The following PNPLA7 variants were observed in gnomAD, a reference collection of about 807,000 sequenced individuals.
The protein encoded by PNPLA7 is patatin like domain 7, lysophospholipase.
A neutral mutation model predicts 161.7 loss-of-function variants in PNPLA7; 153 were observed. The ratio of observed to expected loss-of-function variants is 0.95; its 90% confidence interval spans 0.83 to 1.08. The LOEUF is 1.08. PNPLA7 is among the 50% of genes least tolerant of loss of function. The probability of loss-of-function intolerance (pLI) is 0.00; values close to 1 mark genes in which losing one functional copy is unlikely to be tolerated. For synonymous variants in PNPLA7, 809 were observed against 782.1 expected (o/e 1.03, Z -0.57); for missense variants, 1,739 against 1,856.6 (o/e 0.94, Z 1.16).
intron 3 of PNPLA7, 59 bp from the exon 4 acceptor site, chr9:137,546,968 C>T (rs181454496): frequency 1.4e-5 from 21 of 1,499,180 alleles, no homozygotes; most frequent in Non-Finnish European, 1.8e-5. Context: ...TGGTCCTGGA[C>T]ATGCAGGTGC....
At position 137,489,864 on chromosome 9, in the gene PNPLA7, C is replaced by T. The variant is rs1832682595; in HGVS notation, c.2197+3149G>A. Among the ~76,000 whole-genome samples the T allele has an allele frequency of 2.6e-5, 4 of 152,248 alleles. No homozygotes were observed. In the South Asian group the frequency reaches 8.3e-4, roughly 32 times the overall value. On this transcript the variant is annotated intron_variant, in intron 20 of 34. Coordinates refer to ENST00000406427, the MANE Select transcript of PNPLA7 (RefSeq NM_001098537.3). The stretch of plus-strand genomic sequence containing the variant: ...AGCAGTGCCCCAGAGACCTTGGGGA[C>T]AATAACGCGAGGTCTAACACTTGTG...
Position 137,506,801 on chromosome 9 carries a change from C to T in PNPLA7, c.1226-718G>A, listed in dbSNP as rs202194979. ...GCTGTGGATTCTGAGGAAGGGTGCA[C>T]GCTTTGCACGACGGGGTCACGCACT... On this transcript the variant is annotated intron_variant, in intron 12 of 34. Coordinates refer to ENST00000406427, the MANE Select transcript of PNPLA7 (RefSeq NM_001098537.3). 3.9e-5 allele frequency among the ~76,000 whole-genome samples: 6 copies of T among 152,344 alleles called. No homozygotes were observed. In the East Asian group the frequency reaches 9.6e-4, roughly 24 times the overall value.
chr9:137,534,647 G>A (rs1835790667), intron 8 of PNPLA7, among the ~76,000 whole-genome samples: 1 of 152,238 alleles, frequency 6.6e-6, no homozygotes, highest in African/African-American at 2.4e-5. Context: ...CAGTCCTCCT[G>A]CAGGGAGTGT....
At chr9:137,530,870 A>G (rs375444546) in intron 8 of PNPLA7, among the ~76,000 whole-genome samples, 2 of 152,158 alleles carry the variant, frequency 1.3e-5, no homozygotes, top group South Asian at 2.1e-4. Context: ...ACGAGGCCAC[A>G]TAAACGAGAA....
At chr9:137,497,781 C>A (rs1833142921) in intron 17 of PNPLA7, among the ~76,000 whole-genome samples, 1 of 152,266 alleles carries the variant, frequency 6.6e-6, no homozygotes, top group African/African-American at 2.4e-5. Flanking sequence ...CCCACCTTGG[C>A]CTCCCAAAGT....
chr9:137,480,322 G>A lies in PNPLA7; in HGVS notation c.2570C>T (p.Thr857Ile), dbSNP rs772876906. Residue 857 changes from threonine (T) to isoleucine (I), a missense_variant, in exon 23 of 35, where the codon ACA (threonine) becomes ATA (isoleucine). By Grantham distance (89) the Thr-to-Ile change is moderately conservative. Coordinates refer to ENST00000406427, the MANE Select transcript of PNPLA7 (RefSeq NM_001098537.3). Reference protein sequence around the residue: ...LIVGLGDQEPTVGELERMLES... With the variant: ...LIVGLGDQEPIVGELERMLES... ...CCTCCCCGTGCTCACCTCGCCCACT[G>A]TGGGCTCCTGGTCACCCAGGCCCAC... 5.0e-6 allele frequency: 8 copies of A among 1,612,222 alleles called. No homozygotes were observed. In the East Asian group the frequency reaches 1.8e-4, roughly 36 times the overall value.
chr9:137,549,065 C>T (rs1024925103), intron 1 of PNPLA7, among the ~76,000 whole-genome samples: 2 of 152,266 alleles, frequency 1.3e-5, no homozygotes, highest in Admixed American at 1.3e-4. Flanking sequence ...GTGACCTGGT[C>T]ACAGGCTCTC....
chr9:137,473,130 G>A (rs1230885595), intron 25 of PNPLA7, among the ~76,000 whole-genome samples: 2 of 152,142 alleles, frequency 1.3e-5, no homozygotes, highest in South Asian at 2.1e-4. Flanking sequence ...AGACTATCAC[G>A]AGAAGAGTAC....
chr9:137,514,161 T>C (rs111331293), intron 12 of PNPLA7, among the ~76,000 whole-genome samples: 9,228 of 142,768 alleles, frequency 0.065, 866 homozygotes, highest in African/African-American at 0.22. Context: ...TGCGGGCGTG[T>C]CACCCGGCTG....
rs1360059397 is a variant in PNPLA7 at position 137,486,452 on chromosome 9, T to A, written c.2198-1716A>T. ...AGCAGGAAAGCTGCAGAGTGGTTTA[T>A]AAATGTGATTCCATTATTAAATAAA... On this transcript the variant is annotated intron_variant, in intron 20 of 34. Coordinates refer to ENST00000406427, the MANE Select transcript of PNPLA7 (RefSeq NM_001098537.3). This position sits in a 1 kb window ranked among gnomAD's most constrained non-coding sequence, Gnocchi z 6.0. Among the ~76,000 whole-genome samples the A allele has an allele frequency of 6.6e-6, 1 of 152,184 alleles. No individual in the cohort carries two copies. Among genetic ancestry groups the A allele is most frequent in the Non-Finnish European group, 1.5e-5 (1 of 68,020 alleles).
At chr9:137,514,411 C>T (rs560434001) in intron 12 of PNPLA7, among the ~76,000 whole-genome samples, 5 of 122,998 alleles carry the variant, frequency 4.1e-5, no homozygotes, top group South Asian at 2.7e-4. Context: ...GCGGGTCACT[C>T]GGATGTTGAT....
intron 26 of PNPLA7, among the ~76,000 whole-genome samples, chr9:137,466,528 C>T (rs1831471197): frequency 6.6e-6 from 1 of 151,370 alleles, no homozygotes; most frequent in African/African-American, 2.4e-5. Context: ...GATCAGACCA[C>T]CTCCCACCAC....
chr9:137,550,269 C>A lies in PNPLA7; in HGVS notation c.-72G>T. On this transcript the variant is annotated 5_prime_UTR_variant, in exon 1 of 35. Transcript: ENST00000406427. ...AAGCAAACAAGGGCACACCTCTACC[C>A]GCTCATGCTCACACCTGGACACTTT... The A allele has an allele frequency of 6.5e-7, 1 of 1,533,512 alleles. No individual in the cohort carries two copies. Among genetic ancestry groups the A allele is most frequent in the Non-Finnish European group, 9.0e-7 (1 of 1,108,112 alleles). The allele number at this position is 1,533,512 out of a possible 1,614,324, so 95.0% of individuals were successfully genotyped here. A position where few individuals can be genotyped will look rare whatever the true frequency, so the allele number is the denominator to read the frequency against.
chr9:137,516,452 A>G, intron 11 of PNPLA7: 1 of 985,230 alleles, frequency 1.0e-6, no homozygotes, highest in Non-Finnish European at 1.2e-6. Context: ...CTGCTGCCCC[A>G]TCAAGTCACA....
In PNPLA7 at chr9:137,486,699, A is replaced by G. The variant is rs745694914; in HGVS notation, c.2198-1963T>C. On this transcript the variant is annotated intron_variant, in intron 20 of 34. Coordinates refer to ENST00000406427, the MANE Select transcript of PNPLA7 (RefSeq NM_001098537.3). The surrounding 1 kb of genome is among the most constrained non-coding windows in gnomAD (Gnocchi z 6.0). The stretch of plus-strand genomic sequence containing the variant: ...TCAGCACCGGGAGCCCTGGGCCTCC[A>G]CCGCCCAGCCTTGGGGTGGCTTCAG... Among the ~76,000 whole-genome samples, 3 of 151,588 alleles carry G rather than the reference A, an allele frequency of 2.0e-5. No individual in the cohort carries two copies. Among genetic ancestry groups the G allele is most frequent in the Non-Finnish European group, 2.9e-5 (2 of 67,906 alleles).
At chr9:137,471,383 G>A (rs1440741096) in intron 25 of PNPLA7, among the ~76,000 whole-genome samples, 1 of 152,134 alleles carries the variant, frequency 6.6e-6, no homozygotes, top group Non-Finnish European at 1.5e-5. Context: ...GGCGGATCAT[G>A]AGATCAGGAG....
intron 14 of PNPLA7, among the ~76,000 whole-genome samples, chr9:137,505,287 T>G (rs1370218210): frequency 1.3e-5 from 2 of 151,834 alleles, no homozygotes; most frequent in African/African-American, 4.8e-5. Flanking sequence ...AATAAATTAT[T>G]AAAGTGAAGC....
At position 137,523,203 on chromosome 9, in the gene PNPLA7, C is replaced by T. The variant is rs1053057594; in HGVS notation, c.748-346G>A. On this transcript the variant is annotated intron_variant, in intron 8 of 34. Coordinates refer to ENST00000406427, the MANE Select transcript of PNPLA7 (RefSeq NM_001098537.3). The surrounding 1 kb of genome is among the most constrained non-coding windows in gnomAD (Gnocchi z 4.4). ...ACCAGCTCACCAGCGTCCTACTCTA[C>T]GTCCGACATCAGCGTCGGTACCCCT... is the stretch of plus-strand genomic sequence containing the variant. 7.2e-5 allele frequency among the ~76,000 whole-genome samples: 11 copies of T among 152,208 alleles called. No homozygotes were observed. The highest frequency in any genetic ancestry group is 2.1e-4 in the South Asian group (1 of 4,832).
intron 25 of PNPLA7, among the ~76,000 whole-genome samples, chr9:137,477,559 C>T (rs1205162522): frequency 2.0e-5 from 3 of 152,110 alleles, no homozygotes; most frequent in Non-Finnish European, 4.4e-5. Flanking sequence ...AAGCAATTCT[C>T]CTGCCTCAGC....
Sources: allele counts gnomAD v4.1 joint callset (sites outside exome capture counted in the v4.1 genomes callset), GRCh38; gene constraint gnomAD v4.1.1; non-coding constraint Gnocchi (gnomAD v3.1); transcripts MANE v1.5; gene names NCBI Gene and HGNC (gene_info 2026-07-23, HGNC 2026-07-21).